Variants in SLC16A14 observed in about 807,000 individuals in gnomAD.
SLC16A14 encodes monocarboxylate transporter 14.
SLC16A14 carries 14 observed loss-of-function variants against 35.8 expected under a neutral mutation model. The observed-to-expected ratio is 0.39, with a 90% CI of 0.26 to 0.61. The LOEUF (loss-of-function observed/expected upper bound fraction) is 0.61. Ranked by LOEUF, SLC16A14 falls within the 20% of genes least tolerant of loss-of-function variation. The pLI, the probability that SLC16A14 is intolerant of heterozygous loss-of-function variation, is 0.51. For missense variants in SLC16A14, 533 were observed against 655.0 expected, an observed-to-expected ratio of 0.81 and a Z score of 2.03; for synonymous variants, 248 against 258.9, an observed-to-expected ratio of 0.96 and a Z score of 0.40.
intron 1 of SLC16A14, among the ~76,000 whole-genome samples, chr2:230,064,306 GTGTGTGTA>G (rs971652251): frequency 8.6e-5 from 13 of 150,922 alleles, no homozygotes; most frequent in African/African-American, 2.7e-4. Flanking sequence ...GTGTGTGTGT[GTGTGTGTA>G]TGTGTGTGTG....
In SLC16A14 at chr2:230,044,375, G is replaced by A. The variant is rs549248571; in HGVS notation, c.1381+1370C>T. On this transcript the variant is annotated intron_variant, in intron 4 of 4. Coordinates refer to ENST00000295190, the MANE Select transcript of SLC16A14 (RefSeq NM_152527.5). Reference sequence around the variant, plus strand: ...CACCTGTAATCCCAGCTACTCAGGAGGCTGAGGCAGGATAATTGCTTGAAC... The same window carrying A: ...CACCTGTAATCCCAGCTACTCAGGAAGCTGAGGCAGGATAATTGCTTGAAC... Among the ~76,000 whole-genome samples, 60 of 152,100 alleles carry A rather than the reference G, an allele frequency of 3.9e-4. 1 individual carries two copies. Among genetic ancestry groups the A allele is most frequent in the African/African-American group, 1.4e-3 (57 of 41,482 alleles).
intron 3 of SLC16A14, among the ~76,000 whole-genome samples, chr2:230,049,236 A>ATT (rs11420320): frequency 0.016 from 2,203 of 141,512 alleles, 51 homozygotes; most frequent in African/African-American, 0.047. Flanking sequence ...CACTTGGCTA[A>ATT]TTTTTTTTTT....
chr2:230,037,505 A>G lies in SLC16A14; in HGVS notation c.1408T>C (p.Tyr470His). 6.2e-7 allele frequency: 1 copy of G among 1,610,726 alleles called. No individual in the cohort carries two copies. The highest frequency in any genetic ancestry group is 8.5e-7 in the Non-Finnish European group (1 of 1,179,214). Residue 470 changes from tyrosine (Y) to histidine (H), a missense_variant, in exon 5 of 5, where the codon TAT (tyrosine) becomes CAT (histidine). Tyr to His is a moderately conservative substitution (Grantham distance 83). Transcript: ENST00000295190. ...AGWIYDITQKYDFSFYICGLL... is the reference protein window; with the variant it reads ...AGWIYDITQKHDFSFYICGLL... ...CCACATATGTAGAAGGAAAAATCAT[A>G]TTTTTGCGTGATGTCATAGATCCAC... is the stretch of plus-strand genomic sequence containing the variant.
At chr2:230,061,211 A>C (rs1458289511) in intron 1 of SLC16A14, among the ~76,000 whole-genome samples, 1 of 152,236 alleles carries the variant, frequency 6.6e-6, no homozygotes, top group East Asian at 1.9e-4. Flanking sequence ...ACTACATGCC[A>C]GCAATTCTAG....
chr2:230,046,866 T>TA lies in SLC16A14; in HGVS notation c.404-145dup. The TA allele has an allele frequency of 1.9e-6, 2 of 1,029,102 alleles. No individual in the cohort carries two copies. The highest frequency in any genetic ancestry group is 2.7e-6 in the Non-Finnish European group (2 of 750,054). 63.7% of individuals were successfully genotyped at this position (1,029,102 alleles called of 1,614,324 possible). ...TAACAAAGCAATAACACTGATTATT[T>TA]AAAAAGCAGCTCCCAGGGATAAGCA... is the stretch of plus-strand genomic sequence containing the variant. On this transcript the variant is annotated intron_variant, in intron 3 of 4. Transcript: ENST00000295190. This position sits in a 1 kb window ranked among gnomAD's most constrained non-coding sequence, Gnocchi z 5.0.
chr2:230,044,221 C>T (rs1040041331), intron 4 of SLC16A14, among the ~76,000 whole-genome samples: 1 of 151,332 alleles, frequency 6.6e-6, no homozygotes, highest in Admixed American at 6.6e-5. Context: ...TGCCTGTAAT[C>T]CCAGCACTTT....
chr2:230,050,614 A>G (rs192901294), intron 2 of SLC16A14, among the ~76,000 whole-genome samples: 3 of 152,364 alleles, frequency 2.0e-5, no homozygotes, highest in African/African-American at 7.2e-5. Context: ...ACAGACATAT[A>G]TTCCAAGAAG....
chr2:230,051,622 C>T (rs1481822454), intron 2 of SLC16A14, among the ~76,000 whole-genome samples: 1 of 152,172 alleles, frequency 6.6e-6, no homozygotes, highest in Admixed American at 6.5e-5. Flanking sequence ...AGTAAGATGG[C>T]ATATTTTAAT....
intron 4 of SLC16A14, among the ~76,000 whole-genome samples, chr2:230,040,677 CAT>C (rs2077554372): frequency 6.6e-6 from 1 of 152,136 alleles, no homozygotes; most frequent in Non-Finnish European, 1.5e-5. Flanking sequence ...AACAATTTAA[CAT>C]AGTGCAAATT....
At chr2:230,045,269 T>C (rs536370517) in intron 4 of SLC16A14, among the ~76,000 whole-genome samples, 1 of 152,340 alleles carries the variant, frequency 6.6e-6, no homozygotes, top group African/African-American at 2.4e-5. Context: ...CATAAAAGAA[T>C]GGCCTTGGCC....
rs1392136916 is a variant in SLC16A14 at position 230,036,294 on chromosome 2, T to C, written c.*1086A>G. The C allele has an allele frequency of 6.6e-6, 1 of 152,330 alleles. No homozygotes were observed. Among genetic ancestry groups the C allele is most frequent in the East Asian group, 1.9e-4 (1 of 5,196 alleles). The allele number at this position is 152,330 out of a possible 1,614,324, so 9.4% of individuals were successfully genotyped here. The stretch of plus-strand genomic sequence containing the variant: ...CAATCAAGAGAACTATTTTTAAAAC[T>C]GTGCCACGCTCAGGCAAATGAATGG... On this transcript the variant is annotated 3_prime_UTR_variant, in exon 5 of 5. Transcript: ENST00000295190.
In SLC16A14 at chr2:230,045,755, TG is replaced by T; in HGVS notation, c.1370del (p.Pro457HisfsTer26). 6.2e-7 allele frequency: 1 copy of T among 1,614,144 alleles called. No homozygotes were observed. The highest frequency in any genetic ancestry group is 8.5e-7 in the Non-Finnish European group (1 of 1,180,014). ...CANGISALLG[P>X]PFAGWIYDIT... is the part of the protein sequence containing the mutation. ...CCTCAGAGAGTTTACCTGCAAAAGG[TG>T]GTCCCAGCAATGCAGAGATGCCATT... On this transcript the variant is annotated frameshift_variant, in exon 4 of 5. Transcript: ENST00000295190. LOFTEE classifies it high-confidence loss of function.
At chr2:230,057,428 T>C (rs2077714448) in intron 2 of SLC16A14, among the ~76,000 whole-genome samples, 1 of 152,162 alleles carries the variant, frequency 6.6e-6, no homozygotes, top group Non-Finnish European at 1.5e-5. Flanking sequence ...GGAGTGTATA[T>C]TCAGGAAAAC....
At chr2:230,059,037 T>C in intron 2 of SLC16A14, 57 bp downstream of exon 2, 1 of 1,519,110 alleles carries the variant, frequency 6.6e-7, no homozygotes, top group East Asian at 2.3e-5. Flanking sequence ...TCACTTACAG[T>C]GGGGAATTGT....
chr2:230,054,028 C>G (rs958121083), intron 2 of SLC16A14, among the ~76,000 whole-genome samples: 37 of 116,274 alleles, frequency 3.2e-4, no homozygotes, highest in Admixed American at 1.2e-3. Context: ...AGTGGTGTTG[C>G]TTAGGAGCTT....
intron 1 of SLC16A14, among the ~76,000 whole-genome samples, chr2:230,067,842 G>A (rs1419179724): frequency 6.6e-6 from 1 of 152,198 alleles, no homozygotes; most frequent in Non-Finnish European, 1.5e-5. Context: ...TCAATCGGAA[G>A]CGCTAAGGGG....
Position 230,036,771 on chromosome 2 carries a change from G to A in SLC16A14, c.*609C>T, listed in dbSNP as rs2077522453. ...ATGGCAAGTGCCTTCTTTTAGAGGA[G>A]GATTTAGGAGTCACAATCCCTAGCT... On this transcript the variant is annotated 3_prime_UTR_variant, in exon 5 of 5. Transcript: ENST00000295190. 1 of 152,186 alleles carries A rather than the reference G, an allele frequency of 6.6e-6. No homozygotes were observed. Among genetic ancestry groups the A allele is most frequent in the South Asian group, 2.1e-4 (1 of 4,830 alleles). 9.4% of individuals were successfully genotyped at this position (152,186 alleles called of 1,614,324 possible).
chr2:230,040,539 TA>T (rs892933407), intron 4 of SLC16A14, among the ~76,000 whole-genome samples: 1 of 151,868 alleles, frequency 6.6e-6, no homozygotes, highest in Non-Finnish European at 1.5e-5. Context: ...TTATTATTAT[TA>T]TTTTTTTTTA....
At chr2:230,053,004 C>T (rs1012527136) in intron 2 of SLC16A14, among the ~76,000 whole-genome samples, 1 of 151,878 alleles carries the variant, frequency 6.6e-6, no homozygotes, top group African/African-American at 2.4e-5. Context: ...TGCAGTGGTG[C>T]CATCTCGGCT....
Sources: gnomAD v4.1 joint callset for allele counts (sites outside exome capture counted in the v4.1 genomes callset) on GRCh38, gnomAD v4.1.1 for gene constraint, Gnocchi (gnomAD v3.1) non-coding constraint, MANE v1.5 for transcripts, NCBI Gene and HGNC (gene_info 2026-07-23, HGNC 2026-07-21) for gene names.